ODAD3: variants seen among roughly 807,000 people sequenced by gnomAD.
ODAD3 encodes the protein outer dynein arm docking complex subunit 3.
Under a neutral mutation model 70.9 loss-of-function variants are expected in ODAD3, and 57 were observed. The ratio of observed to expected loss-of-function variants is 0.80; its 90% CI spans 0.65 to 1.00. ODAD3 has a LOEUF of 1.00. Among genes scored for constraint, ODAD3 ranks in the 50% least tolerant of loss-of-function variants. The probability of loss-of-function intolerance (pLI) is 0.00; values close to 1 mark genes in which losing one functional copy is unlikely to be tolerated. For missense variants in ODAD3, 797 were observed against 763.9 expected (o/e 1.04, Z -0.51); for synonymous variants, 327 against 315.9 (o/e 1.04, Z -0.37).
chr19:11,426,113 G>A (rs753185351), intron 7 of ODAD3, 31 bp downstream of exon 7: 6 of 1,595,970 alleles, frequency 3.8e-6, no homozygotes, highest in African/African-American at 2.7e-5. Flanking sequence ...CTGGGCTGGA[G>A]TCACAGGCGC....
rs530805733 is a variant in ODAD3 at position 11,430,120 on chromosome 19, A to AT, written c.444+578dup. 8.2e-4 allele frequency among the ~76,000 whole-genome samples: 125 copies of AT among 151,578 alleles called. 1 individual carries two copies. The highest frequency in any genetic ancestry group is 1.4e-3 in the Non-Finnish European group (92 of 67,920). On this transcript the variant is annotated intron_variant, in intron 3 of 12. Transcript: ENST00000356392. ...GGTTCAATGACTTTTAAAATGTTTT[A>AT]TTTTTTTTAATTATTTTTATTTTAT...
Position 11,422,368 on chromosome 19 carries a change from C to T in ODAD3, c.1434+103G>A. 1.4e-6 allele frequency: 2 copies of T among 1,380,646 alleles called. No individual in the cohort carries two copies. The highest frequency in any genetic ancestry group is 1.9e-6 in the Non-Finnish European group (2 of 1,041,016). The allele number at this position is 1,380,646 out of a possible 1,614,324, so 85.5% of individuals were successfully genotyped here. A position where few individuals can be genotyped will look rare whatever the true frequency, so the allele number is the denominator to read the frequency against. On this transcript the variant is annotated intron_variant, in intron 10 of 12. Coordinates refer to ENST00000356392, the MANE Select transcript of ODAD3 (RefSeq NM_145045.5). The surrounding 1 kb of genome is among the most constrained non-coding windows in gnomAD (Gnocchi z 4.6). Reference sequence around the variant, plus strand: ...CGTCCGGGACAGAGGATGTGGCAGGCCACGTTCCCTCGGGCAAGCTGGTGT... The same window carrying T: ...CGTCCGGGACAGAGGATGTGGCAGGTCACGTTCCCTCGGGCAAGCTGGTGT...
At chr19:11,427,154 T>C in intron 3 of ODAD3, 114 bp from the exon 4 acceptor site, 1 of 1,185,878 alleles carries the variant, frequency 8.4e-7, no homozygotes, top group African/African-American at 1.5e-5. Context: ...CCCTCTCCCG[T>C]TTTCTACCCA....
intron 3 of ODAD3, among the ~76,000 whole-genome samples, chr19:11,427,718 G>A (rs528942909): frequency 6.6e-6 from 1 of 152,022 alleles, no homozygotes; most frequent in South Asian, 2.1e-4. Flanking sequence ...CTGACTTCAG[G>A]TGATCCACCT....
upstream of ODAD3, chr19:11,435,415 C>T (rs1264802582): frequency 2.7e-6 from 1 of 377,254 alleles, no homozygotes; most frequent in Non-Finnish European, 5.0e-6. Context: ...TTCTTTCCGG[C>T]TTGAGAAGCC....
Position 11,430,754 on chromosome 19 carries a change from G to A in ODAD3, c.389C>T (p.Ala130Val). 6.2e-7 allele frequency: 1 copy of A among 1,614,018 alleles called. No individual in the cohort carries two copies. Reference protein sequence around the residue: ...LLKGDEKVVQAVIREWKWEKP... With the variant: ...LLKGDEKVVQVVIREWKWEKP... ...CTCCCACTTCCATTCGCGAATCACT[G>A]CCTGGACCACTTTCTCATCTCCCTG... Residue 130 changes from alanine (A) to valine (V), a missense_variant, in exon 3 of 13, where the codon GCA becomes GTA. Transcript: ENST00000356392.
chr19:11,425,149 A>ATGTGTATATG (rs1381341733), intron 7 of ODAD3, among the ~76,000 whole-genome samples: 5 of 117,846 alleles, frequency 4.2e-5, no homozygotes, highest in Non-Finnish European at 6.3e-5. Flanking sequence ...ATATGTACAT[A>ATGTGTATATG]TGTATATATA....
chr19:11,425,479 GTGTGTATATA>G (rs1969329615), intron 7 of ODAD3, among the ~76,000 whole-genome samples: 2 of 122,020 alleles, frequency 1.6e-5, no homozygotes, highest in African/African-American at 6.2e-5. Flanking sequence ...ATGTATATAT[GTGTGTATATA>G]TGTATATATG....
At chr19:11,435,676 C>G (rs1157749257), upstream of ODAD3, 1 of 1,302,578 alleles carries the variant, frequency 7.7e-7, no homozygotes, top group East Asian at 5.3e-5. Context: ...AAGAGGGGTG[C>G]GGTGGATACT....
At chr19:11,425,091 A>G (rs1465074003) in intron 7 of ODAD3, among the ~76,000 whole-genome samples, 2 of 134,696 alleles carry the variant, frequency 1.5e-5, no homozygotes, top group East Asian at 4.5e-4. Context: ...ATATGTACAT[A>G]TGTGTATATA....
In ODAD3 at chr19:11,430,784, G is replaced by T. The variant is rs1275065088; in HGVS notation, c.367-8C>A. 1 of 1,614,082 alleles carries T rather than the reference G, an allele frequency of 6.2e-7. No individual in the cohort carries two copies. Among genetic ancestry groups the T allele is most frequent in the East Asian group, 2.2e-5 (1 of 44,862 alleles). ...GACCACTTTCTCATCTCCCTGCAAG[G>T]AGGGAAGTCCAGTCACCTTTCAGCA... On this transcript the variant is annotated splice_polypyrimidine_tract_variant and splice_region_variant and intron_variant, in intron 2 of 12. Coordinates refer to ENST00000356392, the MANE Select transcript of ODAD3 (RefSeq NM_145045.5).
At position 11,422,566 on chromosome 19, in the gene ODAD3, C is replaced by A; in HGVS notation, c.1339G>T (p.Glu447Ter). Reference protein sequence around the residue: ...RLKKEERRHAEAKDQLERALR... With the variant: ...RLKKEERRHA The stretch of plus-strand genomic sequence containing the variant: ...GCGCGCTCCAGCTGGTCCTTGGCCT[C>A]GGCGTGCCGCCGCTCCTCCTTCTTG... Residue 447 changes from glutamate to a stop codon, truncating the protein, a stop_gained, in exon 10 of 13, where the codon GAG becomes TAG. Coordinates refer to ENST00000356392, the MANE Select transcript of ODAD3 (RefSeq NM_145045.5). LOFTEE classifies it high-confidence loss of function. This position sits in a 1 kb window ranked among gnomAD's most constrained non-coding sequence, Gnocchi z 4.6. The A allele has an allele frequency of 6.3e-7, 1 of 1,590,492 alleles. No individual in the cohort carries two copies. Among genetic ancestry groups the A allele is most frequent in the Non-Finnish European group, 8.5e-7 (1 of 1,170,720 alleles).
intron 3 of ODAD3, among the ~76,000 whole-genome samples, chr19:11,427,474 T>C (rs1418039408): frequency 2.7e-5 from 3 of 111,634 alleles, no homozygotes; most frequent in African/African-American, 9.8e-5. Context: ...TTTGTTTTTG[T>C]TTTCTTTTCT....
At chr19:11,434,097 C>T (rs538329933) in intron 1 of ODAD3, among the ~76,000 whole-genome samples, 19 of 152,110 alleles carry the variant, frequency 1.2e-4, no homozygotes, top group African/African-American at 4.3e-4. Flanking sequence ...CCTATAGTCC[C>T]AGCTAGTCAG....
chr19:11,424,259 T>A (rs944738812), intron 7 of ODAD3, among the ~76,000 whole-genome samples: 1 of 151,958 alleles, frequency 6.6e-6, no homozygotes, highest in Non-Finnish European at 1.5e-5. Context: ...ATTCCAGTAC[T>A]TTAGGAGGCT....
At position 11,421,897 on chromosome 19, in the gene ODAD3, G is replaced by A. The variant is rs546696912; in HGVS notation, c.1435-65C>T. ...GGCCTCTTGGAAGGCTCCACCCAGG[G>A]GCGGGGCTTTTCTTTCGGGGGCGGG... On this transcript the variant is annotated intron_variant, in intron 10 of 12. Coordinates refer to ENST00000356392, the MANE Select transcript of ODAD3 (RefSeq NM_145045.5). The A allele has an allele frequency of 3.2e-4, 497 of 1,536,092 alleles. 5 individuals carry two copies. The South Asian group carries it at 5.7e-3, about 18-fold the overall frequency.
intron 7 of ODAD3, among the ~76,000 whole-genome samples, chr19:11,425,167 G>A (rs1189429704): frequency 7.3e-6 from 1 of 137,818 alleles, no homozygotes; most frequent in African/African-American, 2.9e-5. Context: ...ATACATATGT[G>A]TATATGTACA....
intron 1 of ODAD3, chr19:11,434,494 T>G: frequency 4.7e-6 from 1 of 214,982 alleles, no homozygotes; most frequent in Middle Eastern, 1.7e-3. Context: ...GCCGAAATCG[T>G]TCCACTGCAC....
chr19:11,435,655 G>C, upstream of ODAD3: 3 of 1,285,324 alleles, frequency 2.3e-6, no homozygotes, highest in Non-Finnish European at 3.1e-6. Flanking sequence ...CAGGAACCGC[G>C]GCTGCTGGAC....
Sources: allele counts gnomAD v4.1 joint callset (sites outside exome capture counted in the v4.1 genomes callset), GRCh38; gene constraint gnomAD v4.1.1; non-coding constraint Gnocchi (gnomAD v3.1); transcripts MANE v1.5; gene names NCBI Gene and HGNC (gene_info 2026-07-23, HGNC 2026-07-21).